MYH2: variants seen among roughly 807,000 people sequenced by gnomAD.
The protein encoded by MYH2 is myosin-2.
A neutral mutation model predicts 228.1 loss-of-function variants in MYH2; 139 were observed. The observed-to-expected ratio is 0.61, with a 90% CI of 0.53 to 0.70. MYH2 has a LOEUF of 0.70. Among genes scored for constraint, MYH2 ranks in the 30% least tolerant of loss-of-function variants. The pLI, the probability that MYH2 is intolerant of heterozygous loss-of-function variation, is 0.00. For synonymous variants in MYH2, 796 were observed against 871.1 expected, an observed-to-expected ratio of 0.91 and a Z score of 1.52; for missense variants, 1,809 against 2,357.5, an observed-to-expected ratio of 0.77 and a Z score of 4.82.
chr17:10,543,072 G>T (rs1275444725), intron 9 of MYH2, 26 bp downstream of exon 9: 11 of 1,602,146 alleles, frequency 6.9e-6, no homozygotes, highest in Admixed American at 1.7e-5. Flanking sequence ...AATCAGAAAT[G>T]ATTTTAAAGA....
rs2142303120 is a variant in MYH2 at position 10,531,630 on chromosome 17, C to T, written c.2697+3G>A. 1 of 1,614,204 alleles carries T rather than the reference C, an allele frequency of 6.2e-7. No homozygotes were observed. The highest frequency in any genetic ancestry group is 1.3e-5 in the African/African-American group (1 of 75,054). ...TGATACCAAGGGTGATATTCCAACT[C>T]ACAGCCTGAACTTGGAGCTGCAAGT... On this transcript the variant is annotated splice_donor_region_variant and intron_variant, in intron 22 of 39. Transcript: ENST00000245503.
rs139621607 is a variant in MYH2 at position 10,523,766 on chromosome 17, A to T, written c.5294T>A (p.Ile1765Asn). Reference protein sequence around the residue: ...RNAEEKAKKAITDAAMMAEEL... With the variant: ...RNAEEKAKKANTDAAMMAEEL... ...AGTGTGCCTGCCACTCACATCAGTG[A>T]TGGCCTTCTTGGCCTTTTCTTCTGC... Residue 1765 changes from isoleucine to asparagine, a missense_variant, in exon 36 of 40, where the codon ATC becomes AAC. Ile to Asn is a moderately radical substitution (Grantham distance 149, BLOSUM62 -3). Around this residue, in one of 9 missense-constraint regions of MYH2, gnomAD observed 278 missense variants for 308.5 expected, o/e 0.90. Coordinates refer to ENST00000245503, the MANE Select transcript of MYH2 (RefSeq NM_017534.6). The T allele has an allele frequency of 2.2e-5, 36 of 1,614,126 alleles. No homozygotes were observed. The highest frequency in any genetic ancestry group is 2.5e-5 in the Non-Finnish European group (29 of 1,180,052).
chr17:10,530,221 A>C, intron 22 of MYH2, 147 bp from the exon 23 acceptor site: 1 of 1,337,144 alleles, frequency 7.5e-7, no homozygotes, highest in Non-Finnish European at 1.0e-6. Flanking sequence ...GAACCACCCT[A>C]CTGTGTACAT....
rs1567727854 is a variant in MYH2 at position 10,525,361 on chromosome 17, T to A, written c.4538-13A>T. The A allele has an allele frequency of 6.2e-7, 1 of 1,614,134 alleles. No individual in the cohort carries two copies. Among genetic ancestry groups the A allele is most frequent in the Non-Finnish European group, 8.5e-7 (1 of 1,180,014 alleles). On this transcript the variant is annotated splice_polypyrimidine_tract_variant and intron_variant, in intron 32 of 39. Transcript: ENST00000245503. The surrounding 1 kb of genome is among the most constrained non-coding windows in gnomAD (Gnocchi z 4.2). ...TCAGAAATCTCCTCTGTTGTTTGAG[T>A]AAAAGACAGGTAGGGATTTGGTTAA... is the stretch of plus-strand genomic sequence containing the variant.
At chr17:10,545,301 C>G (rs1463703840) in intron 5 of MYH2, 45 bp downstream of exon 5, 1 of 1,611,894 alleles carries the variant, frequency 6.2e-7, no homozygotes, top group African/African-American at 1.3e-5. Context: ...TCCTATGGTT[C>G]TGCTCTAAAG....
At position 10,533,527 on chromosome 17, in the gene MYH2, A is replaced by C; in HGVS notation, c.2286T>G (p.Tyr762Ter). 1 of 1,614,192 alleles carries C rather than the reference A, an allele frequency of 6.2e-7. No individual in the cohort carries two copies. The highest frequency in any genetic ancestry group is 2.2e-5 in the East Asian group (1 of 44,880). ...AAATTACCTTGGTGTGCCCAAATTTATACTGGGTGTGGTCAATGTCGATGG... is the reference window on the plus strand; with the variant it reads ...AAATTACCTTGGTGTGCCCAAATTTCTACTGGGTGTGGTCAATGTCGATGG... ...LASIDIDHTQ[Y>*]KFGHTKVFFK... Residue 762 changes from tyrosine to a stop codon, truncating the protein, a stop_gained, in exon 20 of 40, where the codon TAT becomes TAG. Transcript: ENST00000245503. LOFTEE classifies it high-confidence loss of function.
In MYH2 at chr17:10,525,261, T is replaced by C. The variant is rs2073336310; in HGVS notation, c.4625A>G (p.Glu1542Gly). The change falls in exon 33 of 40, where the codon GAA becomes GGA. Residue 1542 changes from glutamate (E) to glycine (G), a missense_variant. Coordinates refer to ENST00000245503, the MANE Select transcript of MYH2 (RefSeq NM_017534.6). This position sits in a 1 kb window ranked among gnomAD's most constrained non-coding sequence, Gnocchi z 4.2. Reference protein sequence around the residue: ...LEKIKKQVEQEKCELQAALEE... With the variant: ...LEKIKKQVEQGKCELQAALEE... ...TAAAGCAGCCTGAAGTTCACACTTT[T>C]CTTGTTCCACTTGTTTCTTTATTTT... is the stretch of plus-strand genomic sequence containing the variant. The C allele has an allele frequency of 3.1e-6, 5 of 1,614,194 alleles. No individual in the cohort carries two copies. The highest frequency in any genetic ancestry group is 4.2e-6 in the Non-Finnish European group (5 of 1,180,042).
In MYH2 at chr17:10,529,432, C is replaced by G; in HGVS notation, c.3167G>C (p.Arg1056Thr). The change falls in exon 25 of 40, where the codon AGG becomes ACG. Residue 1056 changes from arginine to threonine, a missense_variant. This residue lies in a region of MYH2 where 636 missense variants were observed against 729.9 expected (regional missense o/e 0.87). Coordinates refer to ENST00000245503, the MANE Select transcript of MYH2 (RefSeq NM_017534.6). Reference sequence around the variant, plus strand: ...GTCACCCTCAAGTTTCCTCTTAGCCCTTTCTAGGTCCATGCGAAGTTTCTT... The same window carrying G: ...GTCACCCTCAAGTTTCCTCTTAGCCGTTTCTAGGTCCATGCGAAGTTTCTT... ...QEKKLRMDLE[R>T]AKRKLEGDLK... 1.2e-6 allele frequency: 2 copies of G among 1,614,198 alleles called. No homozygotes were observed. Among genetic ancestry groups the G allele is most frequent in the African/African-American group, 1.3e-5 (1 of 75,048 alleles).
Position 10,537,965 on chromosome 17 carries a change from G to A in MYH2, c.1417-130C>T. The A allele has an allele frequency of 2.7e-6, 4 of 1,495,474 alleles. No homozygotes were observed. Among genetic ancestry groups the A allele is most frequent in the Non-Finnish European group, 3.6e-6 (4 of 1,105,994 alleles). 92.6% of individuals were successfully genotyped at this position (1,495,474 alleles called of 1,614,324 possible). On this transcript the variant is annotated intron_variant, in intron 14 of 39. Transcript: ENST00000245503. This position sits in a 1 kb window ranked among gnomAD's most constrained non-coding sequence, Gnocchi z 4.0. Reference sequence around the variant, plus strand: ...CAGATATTAAAATCACTGGGTTAAAGAGACTTTGAAATAAAAGGTGAAAAG... The same window carrying A: ...CAGATATTAAAATCACTGGGTTAAAAAGACTTTGAAATAAAAGGTGAAAAG...
chr17:10,543,608 A>G (rs1352160451), intron 8 of MYH2, 103 bp downstream of exon 8: 1 of 1,494,564 alleles, frequency 6.7e-7, no homozygotes, highest in African/African-American at 1.4e-5. Flanking sequence ...AAGAACAATG[A>G]TGTAATAGAA....
rs563146441 is a variant in MYH2 at position 10,539,483 on chromosome 17, G to A, written c.1227C>T (p.Val409=). The A allele has an allele frequency of 1.7e-4, 273 of 1,614,106 alleles. No homozygotes were observed. The highest frequency in any genetic ancestry group is 1.8e-4 in the Non-Finnish European group (213 of 1,180,032). The change falls in exon 13 of 40, where the codon GTC becomes GTT. Residue 409 remains valine, a synonymous_variant. Transcript: ENST00000245503. ...LKALCYPRVK[V]GNEYVTKGQT... ...GGCCTTTGGTGACATACTCATTGCC[G>A]ACCTTGACCCTGGGGTAGCAGAGAG...
intron 17 of MYH2, among the ~76,000 whole-genome samples, chr17:10,536,204 T>G (rs1183608363): frequency 6.6e-6 from 1 of 152,196 alleles, no homozygotes; most frequent in Admixed American, 6.5e-5. Flanking sequence ...ATTTTATGCA[T>G]TGGGTACAGT....
At position 10,525,160 on chromosome 17, in the gene MYH2, C is replaced by T; in HGVS notation, c.4662+64G>A. The T allele has an allele frequency of 6.2e-7, 1 of 1,613,730 alleles. No individual in the cohort carries two copies. Among genetic ancestry groups the T allele is most frequent in the Non-Finnish European group, 8.5e-7 (1 of 1,179,858 alleles). On this transcript the variant is annotated intron_variant, in intron 33 of 39. Transcript: ENST00000245503. The surrounding 1 kb of genome is among the most constrained non-coding windows in gnomAD (Gnocchi z 4.2). ...ATTTTGTGCTATGTGTCTTTTTATT[C>T]ACTCTATGCAGATGTACCTAATTAT...
rs2073524537 is a variant in MYH2 at position 10,539,469 on chromosome 17, A to G, written c.1241T>C (p.Val414Ala). ...YPRVKVGNEY[V>A]TKGQTVEQVS... ...CTGTTCTACAGTCTGGCCTTTGGTG[A>G]CATACTCATTGCCGACCTTGACCCT... The change falls in exon 13 of 40, where the codon GTC becomes GCC. Residue 414 changes from valine to alanine, a missense_variant. Coordinates refer to ENST00000245503, the MANE Select transcript of MYH2 (RefSeq NM_017534.6). 1.2e-6 allele frequency: 2 copies of G among 1,614,198 alleles called. No individual in the cohort carries two copies. The highest frequency in any genetic ancestry group is 1.7e-6 in the Non-Finnish European group (2 of 1,180,030).
chr17:10,535,468 G>A, intron 17 of MYH2, 103 bp from the exon 18 acceptor site: 1 of 946,334 alleles, frequency 1.1e-6, no homozygotes, highest in Non-Finnish European at 1.7e-6. Flanking sequence ...TGAATGACCA[G>A]TATGGACTGC....
intron 27 of MYH2, among the ~76,000 whole-genome samples, chr17:10,528,480 A>G (rs1022013581): frequency 6.6e-6 from 1 of 152,098 alleles, no homozygotes; most frequent in Non-Finnish European, 1.5e-5. Context: ...TCGTTTATTA[A>G]TGGCGTGATG....
chr17:10,537,389 C>A lies in MYH2; in HGVS notation c.1741G>T (p.Ala581Ser), dbSNP rs757972369. ...ACAACACCAGCATAGTGAATCAGAGCGAAGTGGGCCTCGGCCTTGCCTTTG... is the reference window on the plus strand; with the variant it reads ...ACAACACCAGCATAGTGAATCAGAGAGAAGTGGGCCTCGGCCTTGCCTTTG... ...VVKGKAEAHF[A>S]LIHYAGVVDY... The change falls in exon 16 of 40, where the codon GCT becomes TCT. Residue 581 changes from alanine (A) to serine (S), a missense_variant. Physicochemically the swap from Ala to Ser is moderately conservative, Grantham distance 99. Around this residue, in one of 9 missense-constraint regions of MYH2, gnomAD observed 41 missense variants for 35.1 expected, o/e 1.17. Transcript: ENST00000245503. The surrounding 1 kb of genome is among the most constrained non-coding windows in gnomAD (Gnocchi z 4.0). 6 of 1,614,132 alleles carry A rather than the reference C, an allele frequency of 3.7e-6. No homozygotes were observed. The highest frequency in any genetic ancestry group is 1.1e-5 in the South Asian group (1 of 91,080).
In MYH2 at chr17:10,529,475, C is replaced by T. The variant is rs2073398000; in HGVS notation, c.3124G>A (p.Gly1042Arg). Residue 1042 changes from glycine to arginine, a missense_variant, in exon 25 of 40, where the codon GGG becomes AGG. Gly to Arg is a moderately radical substitution (Grantham distance 125, BLOSUM62 -2). This residue lies in a region of MYH2 where 636 missense variants were observed against 729.9 expected (regional missense o/e 0.87). Coordinates refer to ENST00000245503, the MANE Select transcript of MYH2 (RefSeq NM_017534.6). ...AGTTTCTTTTCTTGCTCCAAGGACC[C>T]TTCAAGCTAAATATAAATTATGTTG... ...KLEQQVDDLE[G>R]SLEQEKKLRM... The T allele has an allele frequency of 1.2e-6, 2 of 1,614,102 alleles. No individual in the cohort carries two copies. Among genetic ancestry groups the T allele is most frequent in the Admixed American group, 1.7e-5 (1 of 60,012 alleles).
rs375166201 is a variant in MYH2, at chr17:10,539,379, C to T, written c.1267-25G>A. 61 of 1,614,150 alleles carry T rather than the reference C, an allele frequency of 3.8e-5. 1 individual carries two copies. The highest frequency in any genetic ancestry group is 8.8e-5 in the South Asian group (8 of 91,080). ...CCTTAAAAGACAAAATTATAACTCT[C>T]GAAGTTATTAAAGGCCTATGAAAAT... On this transcript the variant is annotated intron_variant, in intron 13 of 39. Transcript: ENST00000245503.
Sources: gnomAD v4.1 joint callset for allele counts (sites outside exome capture counted in the v4.1 genomes callset) on GRCh38, gnomAD v4.1.1 for gene constraint, gnomAD v4.1.1 regional missense constraint, Gnocchi (gnomAD v3.1) non-coding constraint, MANE v1.5 for transcripts, NCBI Gene and HGNC (gene_info 2026-07-23, HGNC 2026-07-21) for gene names.